KAZN: variants seen among roughly 807,000 people sequenced by gnomAD.
KAZN encodes kazrin.
KAZN carries 40 observed loss-of-function variants against 87.4 expected under a neutral mutation model. The observed-to-expected ratio is 0.46, with a 90% CI of 0.36 to 0.60. The LOEUF (loss-of-function observed/expected upper bound fraction) is 0.60, where lower values mean the gene tolerates loss of function less well. Ranked by LOEUF, KAZN falls within the 20% of genes least tolerant of loss-of-function variation. The probability of loss-of-function intolerance (pLI) is 0.00; values close to 1 mark genes in which losing one functional copy is unlikely to be tolerated. For missense variants in KAZN, 898 were observed against 1,073.9 expected (o/e 0.84, Z 2.29); for synonymous variants, 466 against 458.3 (o/e 1.02, Z -0.22).
At chr1:14,912,703 T>C (rs1657381841) in intron 1 of KAZN, among the ~76,000 whole-genome samples, 1 of 152,104 alleles carries the variant, frequency 6.6e-6, no homozygotes, top group African/African-American at 2.4e-5. Context: ...AAAGGCCAGG[T>C]GGAAACTAAA....
intron 1 of KAZN, among the ~76,000 whole-genome samples, chr1:13,923,369 T>G (rs113728572): frequency 2.0e-5 from 3 of 151,670 alleles, no homozygotes; most frequent in Admixed American, 6.6e-5. Flanking sequence ...GTCAGGAGAT[T>G]GAGACCATCC....
intron 2 of KAZN, among the ~76,000 whole-genome samples, chr1:14,236,247 G>C (rs1648411112): frequency 6.6e-6 from 1 of 152,114 alleles, no homozygotes; most frequent in African/African-American, 2.4e-5. Context: ...GCCTTCATCT[G>C]GTTTTATCTG....
chr1:14,770,129 C>T (rs1423753208), intron 1 of KAZN, among the ~76,000 whole-genome samples: 6 of 151,764 alleles, frequency 4.0e-5, no homozygotes, highest in African/African-American at 1.5e-4. Flanking sequence ...GGTTGGGGTC[C>T]GGATCACTCT....
Position 14,847,828 on chromosome 1 carries a change from A to T in KAZN, c.227-112856A>T, listed in dbSNP as rs568315598. 1.3e-3 allele frequency among the ~76,000 whole-genome samples: 202 copies of T among 152,286 alleles called. 1 individual carries two copies. The highest frequency in any genetic ancestry group is 4.5e-3 in the East Asian group (23 of 5,166). Reference sequence around the variant, plus strand: ...AGACCTCGTCTCTACAAAATATTTTAAAAAATTAGCCAGGCGTGATGGCCA... The same window carrying T: ...AGACCTCGTCTCTACAAAATATTTTTAAAAATTAGCCAGGCGTGATGGCCA... On this transcript the variant is annotated intron_variant, in intron 1 of 14. Coordinates refer to ENST00000376030, the MANE Select transcript of KAZN (RefSeq NM_201628.3).
upstream of KAZN, among the ~76,000 whole-genome samples, chr1:14,597,957 C>T (rs574257996): frequency 9.2e-5 from 14 of 152,240 alleles, no homozygotes; most frequent in South Asian, 1.5e-3. Context: ...CTTCTGCTCC[C>T]AGTAGAAGAA....
intron 2 of KAZN, among the ~76,000 whole-genome samples, chr1:15,009,456 C>G (rs190271541): frequency 3.8e-4 from 58 of 152,320 alleles, no homozygotes; most frequent in Non-Finnish European, 7.3e-4. Flanking sequence ...CGCCAAGCAC[C>G]TTTGCACACA....
Position 14,194,524 on chromosome 1 carries a change from G to A in KAZN, c.249+13932G>A, listed in dbSNP as rs754074539. Reference sequence around the variant, plus strand: ...TAGTCAGACTTGCCCTTTCCCCATCGTTGTCTGTGTCCCCAGACCCATCCT... The same window carrying A: ...TAGTCAGACTTGCCCTTTCCCCATCATTGTCTGTGTCCCCAGACCCATCCT... On this transcript the variant is annotated intron_variant, in intron 2 of 16. Transcript: ENST00000636203. Among the ~76,000 whole-genome samples, 17 of 152,032 alleles carry A rather than the reference G, an allele frequency of 1.1e-4. 1 individual carries two copies. Among genetic ancestry groups the A allele is most frequent in the Non-Finnish European group, 1.5e-5 (1 of 67,996 alleles).
chr1:14,463,876 C>G (rs911523384), intron 2 of KAZN, among the ~76,000 whole-genome samples: 2 of 152,206 alleles, frequency 1.3e-5, no homozygotes, highest in Non-Finnish European at 2.9e-5. Context: ...CCTCCCCTGC[C>G]CCATCCTATG....
At chr1:14,346,903 C>T (rs1330039444) in intron 2 of KAZN, among the ~76,000 whole-genome samples, 1 of 152,088 alleles carries the variant, frequency 6.6e-6, no homozygotes, top group Admixed American at 6.6e-5. Flanking sequence ...GTGAACAACA[C>T]AGACAACAAT....
intron 2 of KAZN, among the ~76,000 whole-genome samples, chr1:14,412,334 T>C (rs1331984708): frequency 6.6e-6 from 1 of 152,184 alleles, no homozygotes; most frequent in East Asian, 1.9e-4. Flanking sequence ...AGTACTCACA[T>C]ATAGAAGAAT....
intron 1 of KAZN, among the ~76,000 whole-genome samples, chr1:14,864,052 A>C (rs2101031628): frequency 6.6e-6 from 1 of 152,298 alleles, no homozygotes; most frequent in Middle Eastern, 3.4e-3. Context: ...ATGGGTCAAA[A>C]CAGAAAAATC....
chr1:14,932,435 G>A (rs556967251), intron 1 of KAZN, among the ~76,000 whole-genome samples: 10 of 152,332 alleles, frequency 6.6e-5, no homozygotes, highest in East Asian at 1.9e-4. Flanking sequence ...AAGCCAAGGG[G>A]CCTGGGAGGT....
chr1:14,335,187 CG>C lies in KAZN; in HGVS notation c.249+154597del, dbSNP rs367545225. On this transcript the variant is annotated intron_variant, in intron 2 of 16. Transcript: ENST00000636203. ...AAATAACTGGTTGCTTAAAGGAGGCCGGCATGTCCTCCTTTCTTTTTTTTTT... is the reference window on the plus strand; with the variant it reads ...AAATAACTGGTTGCTTAAAGGAGGCCGCATGTCCTCCTTTCTTTTTTTTTT... Among the ~76,000 whole-genome samples, 367 of 149,768 alleles carry C rather than the reference CG, an allele frequency of 2.5e-3. 1 individual carries two copies. Among genetic ancestry groups the C allele is most frequent in the African/African-American group, 8.6e-3 (349 of 40,814 alleles).
At chr1:14,547,787 C>T (rs1673252206) in intron 2 of KAZN, among the ~76,000 whole-genome samples, 1 of 151,964 alleles carries the variant, frequency 6.6e-6, no homozygotes, top group Admixed American at 6.6e-5. Flanking sequence ...GACAGGGTTT[C>T]ACCATGTCGA....
At chr1:14,145,669 C>T (rs1249558507) in intron 1 of KAZN, among the ~76,000 whole-genome samples, 1 of 151,766 alleles carries the variant, frequency 6.6e-6, no homozygotes, top group Non-Finnish European at 1.5e-5. Context: ...CAACCTCTGT[C>T]TCCCAGATTC....
At chr1:15,089,830 A>G (rs10803352) in intron 8 of KAZN, among the ~76,000 whole-genome samples, 40,372 of 151,020 alleles carry the variant, frequency 0.27, 6,058 homozygotes, top group East Asian at 0.41. Flanking sequence ...TAGAGTTGGC[A>G]TCAGTTCATT....
At chr1:14,446,308 C>G (rs1336998957) in intron 2 of KAZN, among the ~76,000 whole-genome samples, 2 of 152,170 alleles carry the variant, frequency 1.3e-5, no homozygotes, top group African/African-American at 4.8e-5. Flanking sequence ...GAATCCCACC[C>G]TAGATACCTT....
At chr1:13,996,125 A>G (rs1166353476) in intron 1 of KAZN, among the ~76,000 whole-genome samples, 1 of 152,090 alleles carries the variant, frequency 6.6e-6, no homozygotes, top group East Asian at 1.9e-4. Flanking sequence ...GGGAACCCTC[A>G]ACCCCCAGCC....
At chr1:15,033,625 G>T (rs916567355) in intron 2 of KAZN, among the ~76,000 whole-genome samples, 1 of 152,128 alleles carries the variant, frequency 6.6e-6, no homozygotes, top group African/African-American at 2.4e-5. Context: ...AGTGTGAAGT[G>T]GTATTTCATT....
Sources: allele counts gnomAD v4.1 joint callset (sites outside exome capture counted in the v4.1 genomes callset), GRCh38; gene constraint gnomAD v4.1.1; transcripts MANE v1.5; gene names NCBI Gene and HGNC (gene_info 2026-07-23, HGNC 2026-07-21).